The following FGF12 variants were observed in gnomAD, a reference collection of about 807,000 sequenced individuals.
FGF12 encodes fibroblast growth factor 12B.
A neutral mutation model predicts 23.6 loss-of-function variants in FGF12; 14 were observed. The ratio of observed to expected loss-of-function variants is 0.59; its 90% CI spans 0.39 to 0.93. The LOEUF (loss-of-function observed/expected upper bound fraction) is 0.93, where lower values mean the gene tolerates loss of function less well. Among genes scored for constraint, FGF12 ranks in the 40% least tolerant of loss-of-function variants. FGF12 has a pLI of 0.00. For synonymous variants in FGF12, 62 were observed against 77.3 expected (o/e 0.80, Z 1.04); for missense variants, 175 against 217.8 (o/e 0.80, Z 1.24).
intron 4 of FGF12, among the ~76,000 whole-genome samples, chr3:192,239,257 T>A (rs543494163): frequency 6.6e-6 from 1 of 152,284 alleles, no homozygotes; most frequent in Admixed American, 6.5e-5. Flanking sequence ...AAATGAACAA[T>A]AGAAAAATCC....
At chr3:192,235,855 C>T (rs1467241416) in intron 4 of FGF12, among the ~76,000 whole-genome samples, 1 of 152,048 alleles carries the variant, frequency 6.6e-6, no homozygotes, top group Admixed American at 6.6e-5. Context: ...GTCTTAATTT[C>T]ATTCAGTTCA....
At chr3:192,613,150 G>C (rs929791288) in intron 2 of FGF12, among the ~76,000 whole-genome samples, 2 of 151,772 alleles carry the variant, frequency 1.3e-5, no homozygotes, top group Non-Finnish European at 2.9e-5. Context: ...TTGCTGACCA[G>C]TGGAAAGCTT....
intron 4 of FGF12, among the ~76,000 whole-genome samples, chr3:192,297,217 A>C (rs1715090251): frequency 6.6e-6 from 1 of 152,218 alleles, no homozygotes; most frequent in Non-Finnish European, 1.5e-5. Context: ...CCCACAAACA[A>C]GACCGATTCA....
chr3:192,198,434 A>C (rs1003659931), intron 4 of FGF12, among the ~76,000 whole-genome samples: 28 of 152,212 alleles, frequency 1.8e-4, no homozygotes, highest in Non-Finnish European at 1.2e-4. Context: ...TGAAAAAAAA[A>C]GCTAAAATCA....
At chr3:192,484,553 A>C (rs1335436965) in intron 2 of FGF12, among the ~76,000 whole-genome samples, 1 of 152,124 alleles carries the variant, frequency 6.6e-6, no homozygotes, top group Non-Finnish European at 1.5e-5. Context: ...TAGGATGTGA[A>C]TATTTCTGTA....
chr3:192,303,349 G>A (rs1715449372), intron 4 of FGF12, among the ~76,000 whole-genome samples: 1 of 152,056 alleles, frequency 6.6e-6, no homozygotes, highest in South Asian at 2.1e-4. Context: ...CCCTTTTCTA[G>A]CTAATGTCAA....
intron 4 of FGF12, among the ~76,000 whole-genome samples, chr3:192,224,744 T>C (rs1407109143): frequency 6.6e-6 from 1 of 152,098 alleles, no homozygotes; most frequent in Non-Finnish European, 1.5e-5. Context: ...GTGTGAAGTG[T>C]CTGGCATGAT....
intron 2 of FGF12, among the ~76,000 whole-genome samples, chr3:192,426,571 C>T (rs1441675286): frequency 2.6e-5 from 4 of 152,088 alleles, no homozygotes; most frequent in African/African-American, 9.7e-5. Context: ...AGAGATGACC[C>T]CATTTTAGAT....
chr3:192,430,138 G>GA (rs1721817705), intron 2 of FGF12, among the ~76,000 whole-genome samples: 1 of 151,862 alleles, frequency 6.6e-6, no homozygotes, highest in African/African-American at 2.4e-5. Context: ...TCCATTGATG[G>GA]AAAAATCAAT....
At chr3:192,260,272 A>G (rs571565610) in intron 4 of FGF12, among the ~76,000 whole-genome samples, 2 of 152,074 alleles carry the variant, frequency 1.3e-5, no homozygotes, top group East Asian at 3.9e-4. Context: ...ATATTTAGCT[A>G]TTTACAGTGT....
chr3:192,678,794 C>G (rs993594559), intron 2 of FGF12, among the ~76,000 whole-genome samples: 1 of 152,110 alleles, frequency 6.6e-6, no homozygotes, highest in South Asian at 2.1e-4. Context: ...CAGCCCAGGC[C>G]CAGCTTATCT....
chr3:192,325,287 C>T (rs1716760638), intron 4 of FGF12, among the ~76,000 whole-genome samples: 1 of 151,934 alleles, frequency 6.6e-6, no homozygotes, highest in South Asian at 2.1e-4. Context: ...CTATACCCCC[C>T]AATTTTTTTA....
At chr3:192,661,372 C>T (rs1343266091) in intron 2 of FGF12, among the ~76,000 whole-genome samples, 1 of 152,018 alleles carries the variant, frequency 6.6e-6, no homozygotes, top group Non-Finnish European at 1.5e-5. Context: ...AAATACAAAA[C>T]TTAGCTGGGC....
intron 2 of FGF12, among the ~76,000 whole-genome samples, chr3:192,382,021 G>A (rs1338918798): frequency 6.6e-6 from 1 of 151,194 alleles, no homozygotes; most frequent in East Asian, 1.9e-4. Flanking sequence ...TTTTGAGATG[G>A]AGTCTCGCTC....
rs576188927 is a variant in FGF12 at position 192,440,389 on chromosome 3, G to C, written c.14-79851C>G. On this transcript the variant is annotated intron_variant, in intron 2 of 5. Transcript: ENST00000445105. ...GTATTTTCCAGCAGCTCAGGTGAAA[G>C]ACACAAGACAACAGCGGTGGCAGTG... Among the ~76,000 whole-genome samples, 12 of 152,270 alleles carry C rather than the reference G, an allele frequency of 7.9e-5. No homozygotes were observed. The South Asian group carries it at 2.5e-3, about 32-fold the overall frequency.
At chr3:192,522,628 C>T (rs1200476589) in intron 2 of FGF12, among the ~76,000 whole-genome samples, 1 of 152,150 alleles carries the variant, frequency 6.6e-6, no homozygotes, top group Non-Finnish European at 1.5e-5. Flanking sequence ...CATAAGCATA[C>T]AACAGTGACA....
At chr3:192,159,131 G>T (rs1714721655) in intron 5 of FGF12, among the ~76,000 whole-genome samples, 1 of 152,100 alleles carries the variant, frequency 6.6e-6, no homozygotes, top group South Asian at 2.1e-4. Flanking sequence ...GTTCTCAAAA[G>T]AACTTTAATA....
intron 4 of FGF12, among the ~76,000 whole-genome samples, chr3:192,281,480 G>A (rs1714138884): frequency 1.3e-5 from 2 of 152,094 alleles, no homozygotes; most frequent in Non-Finnish European, 2.9e-5. Context: ...CACATTCTGA[G>A]ATTCGAAGTA....
intron 4 of FGF12, among the ~76,000 whole-genome samples, chr3:192,253,209 A>G (rs947577478): frequency 2.0e-4 from 30 of 152,154 alleles, no homozygotes; most frequent in African/African-American, 7.0e-4. Flanking sequence ...AAAAGTGCTC[A>G]GTCACCTCCT....
Sources: allele counts gnomAD v4.1 joint callset (sites outside exome capture counted in the v4.1 genomes callset), GRCh38; gene constraint gnomAD v4.1.1; transcripts MANE v1.5; gene names NCBI Gene and HGNC (gene_info 2026-07-23, HGNC 2026-07-21).